Variants in RBMS3 observed in about 807,000 individuals in gnomAD.
RBMS3 encodes the protein RNA-binding motif, single-stranded-interacting protein 3.
RBMS3 carries 27 observed loss-of-function variants against 66.8 expected under a neutral mutation model. The observed-to-expected ratio is 0.40, with a 90% confidence interval of 0.30 to 0.56. The LOEUF is 0.56. Ranked by LOEUF, RBMS3 falls within the 20% of genes least tolerant of loss-of-function variation. The pLI is 0.40. For synonymous variants in RBMS3, 188 were observed against 183.0 expected, an observed-to-expected ratio of 1.03 and a Z score of -0.22; for missense variants, 513 against 549.5, an observed-to-expected ratio of 0.93 and a Z score of 0.66.
chr3:29,704,209 TC>T (rs1276902153), intron 4 of RBMS3, among the ~76,000 whole-genome samples: 1 of 152,030 alleles, frequency 6.6e-6, no homozygotes, highest in African/African-American at 2.4e-5. Context: ...CAAAACCATC[TC>T]CCCACACAGG....
At chr3:29,521,434 G>A (rs752018318) in intron 3 of RBMS3, among the ~76,000 whole-genome samples, 1 of 152,114 alleles carries the variant, frequency 6.6e-6, no homozygotes, top group Non-Finnish European at 1.5e-5. Context: ...TTGGGCTTCT[G>A]TACTGAGTCA....
At position 29,721,258 on chromosome 3, in the gene RBMS3, T is replaced by A. The variant is rs116120568; in HGVS notation, c.400-18462T>A. ...ATGCCTCGTTACATCCTTGCACACA[T>A]GTAAGGACTCTTTAATGATAAAAAT... On this transcript the variant is annotated intron_variant, in intron 4 of 14. Transcript: ENST00000383767. 6.9e-3 allele frequency among the ~76,000 whole-genome samples: 1,043 copies of A among 152,154 alleles called. 9 individuals carry two copies. Among genetic ancestry groups the A allele is most frequent in the Middle Eastern group, 0.041 (12 of 294 alleles).
At chr3:29,993,639 ACTC>A (rs1486433967) in intron 14 of RBMS3, among the ~76,000 whole-genome samples, 1 of 151,758 alleles carries the variant, frequency 6.6e-6, no homozygotes, top group Non-Finnish European at 1.5e-5. Flanking sequence ...AGAAGAAGGA[ACTC>A]CTGTTACTTG....
At chr3:29,297,575 T>A (rs1160508731) in intron 1 of RBMS3, among the ~76,000 whole-genome samples, 1 of 151,904 alleles carries the variant, frequency 6.6e-6, no homozygotes, top group Non-Finnish European at 1.5e-5. Flanking sequence ...ACTTCTTACA[T>A]GAATTTTCTT....
chr3:29,362,619 C>A (rs1462062402), intron 1 of RBMS3, among the ~76,000 whole-genome samples: 1 of 152,156 alleles, frequency 6.6e-6, no homozygotes, highest in Non-Finnish European at 1.5e-5. Flanking sequence ...GTCACTCACA[C>A]TGGGAGCTGT....
rs779555263 is a variant in RBMS3, at chr3:29,497,973, A to ATTTTTTTTTT, written c.307+9502_307+9511dup. Among the ~76,000 whole-genome samples the ATTTTTTTTTT allele has an allele frequency of 3.9e-3, 170 of 43,438 alleles. 52 individuals carry two copies. The highest frequency in any genetic ancestry group is 7.5e-3 in the East Asian group (10 of 1,330). 28.5% of individuals were successfully genotyped at this position (43,438 alleles called of 152,430 possible). ...TCAGAGTTATTCTCTAAAAGTATTC[A>ATTTTTTTTTT]TTTTTTTTTTTTTTTTTTTTTTTTT... On this transcript the variant is annotated intron_variant, in intron 3 of 14. Coordinates refer to ENST00000383767, the MANE Select transcript of RBMS3 (RefSeq NM_001003793.3).
intron 3 of RBMS3, among the ~76,000 whole-genome samples, chr3:29,573,274 C>A (rs1488472476): frequency 6.6e-6 from 1 of 152,086 alleles, no homozygotes; most frequent in Admixed American, 6.6e-5. Context: ...GTGCTTGCCA[C>A]CCTGTTTGGC....
chr3:29,411,652 A>G (rs1431684881), intron 1 of RBMS3, among the ~76,000 whole-genome samples: 1 of 152,234 alleles, frequency 6.6e-6, no homozygotes, highest in Non-Finnish European at 1.5e-5. Context: ...TGGATGAGCA[A>G]GATAATTACA....
rs200098742 is a variant in RBMS3, at chr3:29,517,384, G to A, written c.307+28885G>A. Among the ~76,000 whole-genome samples, 55 of 150,242 alleles carry A rather than the reference G, an allele frequency of 3.7e-4. No homozygotes were observed. The East Asian group carries it at 6.5e-3, about 18-fold the overall frequency. On this transcript the variant is annotated intron_variant, in intron 3 of 14. Transcript: ENST00000383767. ...GTTGCCCAGGCTGGAGTACAGTGGCGCAATCTTGGCTCACTGCAAGCTCCA... is the reference window on the plus strand; with the variant it reads ...GTTGCCCAGGCTGGAGTACAGTGGCACAATCTTGGCTCACTGCAAGCTCCA...
rs1222102515 is a variant in RBMS3 at position 29,524,415 on chromosome 3, A to ATTTTTTTTTTTTTTTT, written c.307+35930_307+35945dup. Among the ~76,000 whole-genome samples the ATTTTTTTTTTTTTTTT allele has an allele frequency of 2.6e-4, 15 of 57,110 alleles. 1 individual carries two copies. Among genetic ancestry groups the ATTTTTTTTTTTTTTTT allele is most frequent in the East Asian group, 1.3e-3 (2 of 1,586 alleles). 37.5% of individuals were successfully genotyped at this position (57,110 alleles called of 152,430 possible). A position where few individuals can be genotyped will look rare whatever the true frequency, so the allele number is the denominator to read the frequency against. Reference sequence around the variant, plus strand: ...GGAAGATATGAGTGACTCCCTTTACATTTTTTTTTTTTTTTTTTTTTTTTT... The same window carrying ATTTTTTTTTTTTTTTT: ...GGAAGATATGAGTGACTCCCTTTACATTTTTTTTTTTTTTTTTTTTTTTTTTTTTTTTTTTTTTTTT... On this transcript the variant is annotated intron_variant, in intron 3 of 14. Transcript: ENST00000383767.
At position 29,434,825 on chromosome 3, in the gene RBMS3, G is replaced by T; in HGVS notation, c.158G>T (p.Ser53Ile). The change falls in exon 2 of 15, where the codon AGC becomes ATC. Residue 53 changes from serine to isoleucine, a missense_variant. Ser to Ile is a moderately radical substitution (Grantham distance 142). Transcript: ENST00000383767. ...NSSSNNSSNN[S>I]SGEQLSKTNL... ...AGCAGCAACAACAGCAGCAACAACAGCAGCGGGGAACAGTTGAGTAAAACC... is the reference window on the plus strand; with the variant it reads ...AGCAGCAACAACAGCAGCAACAACATCAGCGGGGAACAGTTGAGTAAAACC... 6.2e-7 allele frequency: 1 copy of T among 1,614,128 alleles called. No individual in the cohort carries two copies. Among genetic ancestry groups the T allele is most frequent in the Non-Finnish European group, 8.5e-7 (1 of 1,180,020 alleles).
chr3:29,907,755 C>T (rs1398443997), intron 10 of RBMS3, among the ~76,000 whole-genome samples: 1 of 151,734 alleles, frequency 6.6e-6, no homozygotes, highest in Non-Finnish European at 1.5e-5. Context: ...GGAATAATTC[C>T]TTTTTCTCTA....
At chr3:29,520,463 C>T (rs190255044) in intron 3 of RBMS3, among the ~76,000 whole-genome samples, 1 of 152,154 alleles carries the variant, frequency 6.6e-6, no homozygotes, top group African/African-American at 2.4e-5. Flanking sequence ...ACTGGTTTTT[C>T]GTTAGCTGTT....
chr3:29,878,058 C>T (rs965516311), intron 7 of RBMS3, among the ~76,000 whole-genome samples: 1 of 152,056 alleles, frequency 6.6e-6, no homozygotes, highest in Non-Finnish European at 1.5e-5. Flanking sequence ...AGCTCTTCCA[C>T]CTCAGATCGT....
intron 6 of RBMS3, among the ~76,000 whole-genome samples, chr3:29,863,497 A>T (rs2059268577): frequency 6.6e-6 from 1 of 152,150 alleles, no homozygotes; most frequent in Non-Finnish European, 1.5e-5. Context: ...CTTAAAATTA[A>T]TAGAATCAGA....
At chr3:29,298,534 A>G (rs1198050586) in intron 1 of RBMS3, among the ~76,000 whole-genome samples, 1 of 151,806 alleles carries the variant, frequency 6.6e-6, no homozygotes. Flanking sequence ...TTCACTTTCA[A>G]TTATAAAGAT....
intron 1 of RBMS3, among the ~76,000 whole-genome samples, chr3:29,289,639 A>T (rs2032657627): frequency 6.6e-6 from 1 of 151,906 alleles, no homozygotes; most frequent in Non-Finnish European, 1.5e-5. Flanking sequence ...TTGTTTCATG[A>T]ATGATAAATA....
chr3:29,665,220 C>G (rs1429189214), intron 4 of RBMS3, among the ~76,000 whole-genome samples: 1 of 152,092 alleles, frequency 6.6e-6, no homozygotes, highest in Non-Finnish European at 1.5e-5. Context: ...CAAACTCTTC[C>G]TTACTAATTT....
At chr3:29,850,690 T>C (rs2058912319) in intron 6 of RBMS3, among the ~76,000 whole-genome samples, 1 of 152,222 alleles carries the variant, frequency 6.6e-6, no homozygotes. Flanking sequence ...GGATTTGCTA[T>C]CTTTACAAAC....
Sources: gnomAD v4.1 joint callset for allele counts (sites outside exome capture counted in the v4.1 genomes callset) on GRCh38, gnomAD v4.1.1 for gene constraint, MANE v1.5 for transcripts, NCBI Gene and HGNC (gene_info 2026-07-23, HGNC 2026-07-21) for gene names.